APH1B: variants seen among roughly 807,000 people sequenced by gnomAD.
APH1B encodes the protein gamma-secretase subunit APH-1B.
In APH1B, 27 loss-of-function variants were observed where a neutral mutation model predicts 28.2. That is an observed-to-expected ratio of 0.96 (90% CI 0.70 to 1.32). The LOEUF is 1.32. APH1B is among the 40% of genes most tolerant of loss of function. The pLI is 0.00. For missense variants in APH1B, 305 were observed against 313.6 expected (o/e 0.97, Z 0.21); for synonymous variants, 141 against 124.6 (o/e 1.13, Z -0.88).
rs1485557280 is a variant in APH1B, at chr15:63,309,123, C to G, written c.*3342C>G. On this transcript the variant is annotated 3_prime_UTR_variant, in exon 6 of 6. Transcript: ENST00000261879. ...ACAATAAAAAGATTGTCTGGCACTC[C>G]TCATTTCCTGTGTTTCCTGTTCTGT... 6.6e-6 allele frequency: 1 copy of G among 152,224 alleles called. No individual in the cohort carries two copies. Among genetic ancestry groups the G allele is most frequent in the Non-Finnish European group, 1.5e-5 (1 of 68,042 alleles). The allele number at this position is 152,224 out of a possible 1,614,324, so 9.4% of individuals were successfully genotyped here.
chr15:63,277,883 G>A (rs1226321789), intron 1 of APH1B, 147 bp downstream of exon 1: 2 of 779,942 alleles, frequency 2.6e-6, no homozygotes, highest in Non-Finnish European at 4.0e-6. Context: ...CGGAGATCCG[G>A]CTCCCCAAAG....
intron 2 of APH1B, among the ~76,000 whole-genome samples, chr15:63,284,218 CTTT>C (rs34480156): frequency 4.3e-5 from 6 of 138,144 alleles, no homozygotes; most frequent in Admixed American, 1.4e-4. Context: ...ATGTGCTTTG[CTTT>C]TTTTTTTTTT....
Position 63,307,382 on chromosome 15 carries a change from A to G in APH1B, c.*1601A>G, listed in dbSNP as rs1309779376. The G allele has an allele frequency of 1.3e-5, 2 of 152,216 alleles. No individual in the cohort carries two copies. The highest frequency in any genetic ancestry group is 2.9e-5 in the Non-Finnish European group (2 of 68,028). The allele number at this position is 152,216 out of a possible 1,614,324, so 9.4% of individuals were successfully genotyped here. ...AATGTTTAGAGATAAAATAGAGATA[A>G]TAGAGATAAAAGAAGAGGAGGGCTT... is the stretch of plus-strand genomic sequence containing the variant. On this transcript the variant is annotated 3_prime_UTR_variant, in exon 6 of 6. Transcript: ENST00000261879.
chr15:63,277,849 G>C, intron 1 of APH1B, 113 bp downstream of exon 1: 2 of 1,064,878 alleles, frequency 1.9e-6, no homozygotes, highest in Non-Finnish European at 2.7e-6. Flanking sequence ...GTTTCAGACG[G>C]GAGGAGGGTT....
chr15:63,279,114 A>G, intron 1 of APH1B, 47 bp from the exon 2 acceptor site: 1 of 1,461,364 alleles, frequency 6.8e-7, no homozygotes. Flanking sequence ...AACATTATTA[A>G]TCCTGTACTG....
chr15:63,290,445 C>T (rs2038493585), intron 4 of APH1B, among the ~76,000 whole-genome samples: 1 of 152,190 alleles, frequency 6.6e-6, no homozygotes. Flanking sequence ...TTGAATCACT[C>T]ATTCCATACA....
intron 2 of APH1B, among the ~76,000 whole-genome samples, chr15:63,283,923 T>A (rs1463328389): frequency 6.6e-6 from 1 of 152,202 alleles, no homozygotes; most frequent in East Asian, 1.9e-4. Flanking sequence ...AGTTGTTCTG[T>A]CACCATTTAT....
At chr15:63,293,143 A>ATTTAT (rs1392699854) in intron 4 of APH1B, among the ~76,000 whole-genome samples, 27 of 150,976 alleles carry the variant, frequency 1.8e-4, no homozygotes, top group Non-Finnish European at 3.0e-4. Context: ...ATTTTTAGTT[A>ATTTAT]TTTATTTTAT....
chr15:63,285,647 T>G (rs2038437313), intron 2 of APH1B, among the ~76,000 whole-genome samples: 1 of 152,236 alleles, frequency 6.6e-6, no homozygotes, highest in South Asian at 2.1e-4. Context: ...TTTTATTTTA[T>G]TTTTAATAGA....
chr15:63,301,868 C>G (rs1189913787), intron 4 of APH1B, among the ~76,000 whole-genome samples: 1 of 152,210 alleles, frequency 6.6e-6, no homozygotes, highest in East Asian at 1.9e-4. Flanking sequence ...GCCTCGGCCT[C>G]CCAAAGTGCT....
chr15:63,305,857 C>A lies in APH1B; in HGVS notation c.*76C>A. 1 of 1,517,342 alleles carries A rather than the reference C, an allele frequency of 6.6e-7. No individual in the cohort carries two copies. 94.0% of individuals were successfully genotyped at this position (1,517,342 alleles called of 1,614,324 possible). A position where few individuals can be genotyped will look rare whatever the true frequency, so the allele number is the denominator to read the frequency against. ...CACAACTGTGCCTTTTTCTGAAAATCCCTTTTTCTGGTGGAATTGAGAAAG... is the reference window on the plus strand; with the variant it reads ...CACAACTGTGCCTTTTTCTGAAAATACCTTTTTCTGGTGGAATTGAGAAAG... On this transcript the variant is annotated 3_prime_UTR_variant, in exon 6 of 6. Coordinates refer to ENST00000261879, the MANE Select transcript of APH1B (RefSeq NM_031301.4).
At chr15:63,295,615 C>T (rs894584308) in intron 4 of APH1B, among the ~76,000 whole-genome samples, 10 of 152,182 alleles carry the variant, frequency 6.6e-5, no homozygotes, top group African/African-American at 2.2e-4. Flanking sequence ...TGGGGGCTGA[C>T]ATGTGTGTTA....
chr15:63,284,898 C>T (rs2038429883), intron 2 of APH1B, among the ~76,000 whole-genome samples: 1 of 152,096 alleles, frequency 6.6e-6, no homozygotes, highest in Non-Finnish European at 1.5e-5. Flanking sequence ...CAGAAATCTT[C>T]CCACATTTTT....
intron 4 of APH1B, among the ~76,000 whole-genome samples, chr15:63,288,341 G>T (rs1289372008): frequency 6.6e-6 from 1 of 152,054 alleles, no homozygotes; most frequent in Admixed American, 6.5e-5. Flanking sequence ...TAATGGAAAA[G>T]ATATAAAGAG....
intron 1 of APH1B, among the ~76,000 whole-genome samples, chr15:63,278,819 A>G (rs2038353665): frequency 6.6e-6 from 1 of 152,228 alleles, no homozygotes; most frequent in South Asian, 2.1e-4. Context: ...TGGCTCATCA[A>G]TGGGCAGAGC....
intron 5 of APH1B, among the ~76,000 whole-genome samples, chr15:63,305,083 C>T (rs562992829): frequency 6.6e-6 from 1 of 152,194 alleles, no homozygotes; most frequent in Non-Finnish European, 1.5e-5. Flanking sequence ...TACCTGCCTC[C>T]CTTACTAGTA....
intron 2 of APH1B, among the ~76,000 whole-genome samples, chr15:63,281,432 C>T (rs1162603321): frequency 6.6e-6 from 1 of 151,404 alleles, no homozygotes; most frequent in Admixed American, 6.6e-5. Flanking sequence ...GTACCCCTGA[C>T]TGGGCACTGT....
At chr15:63,283,622 A>G (rs1212655202) in intron 2 of APH1B, among the ~76,000 whole-genome samples, 3 of 151,972 alleles carry the variant, frequency 2.0e-5, no homozygotes, top group East Asian at 3.8e-4. Context: ...ATTTGCAAAT[A>G]TTTTCTCCCA....
At position 63,306,771 on chromosome 15, in the gene APH1B, A is replaced by G. The variant is rs867021708; in HGVS notation, c.*990A>G. 14 of 152,230 alleles carry G rather than the reference A, an allele frequency of 9.2e-5. No individual in the cohort carries two copies. Among genetic ancestry groups the G allele is most frequent in the African/African-American group, 3.1e-4 (13 of 41,458 alleles). The allele number at this position is 152,230 out of a possible 1,614,324, so 9.4% of individuals were successfully genotyped here. On this transcript the variant is annotated 3_prime_UTR_variant, in exon 6 of 6. Coordinates refer to ENST00000261879, the MANE Select transcript of APH1B (RefSeq NM_031301.4). ...GAAATGAGCCAAAAGGGTGTCATTGACACTTTTCATTTGCTCCTGTGATAC... is the reference window on the plus strand; with the variant it reads ...GAAATGAGCCAAAAGGGTGTCATTGGCACTTTTCATTTGCTCCTGTGATAC...
Sources: gnomAD v4.1 joint callset for allele counts (sites outside exome capture counted in the v4.1 genomes callset) on GRCh38, gnomAD v4.1.1 for gene constraint, MANE v1.5 for transcripts, NCBI Gene and HGNC (gene_info 2026-07-23, HGNC 2026-07-21) for gene names.